USP34: variants seen among roughly 807,000 people sequenced by gnomAD.
USP34 encodes ubiquitin specific peptidase 34, also known as ubiquitin carboxyl-terminal hydrolase 34.
USP34 carries 70 observed loss-of-function variants against 460.3 expected under a neutral mutation model. The ratio of observed to expected loss-of-function variants is 0.15; its 90% CI spans 0.13 to 0.19. The LOEUF (loss-of-function observed/expected upper bound fraction) is 0.19. Ranked by LOEUF, USP34 falls within the 10% of genes least tolerant of loss-of-function variation. USP34 has a pLI of 1.00. For synonymous variants in USP34, 1,647 were observed against 1,405.3 expected (o/e 1.17, Z -3.85); for missense variants, 3,985 against 4,236.2 (o/e 0.94, Z 1.65).
intron 1 of USP34, among the ~76,000 whole-genome samples, chr2:61,423,970 A>G (rs559067512): frequency 2.9e-4 from 44 of 152,238 alleles, no homozygotes; most frequent in African/African-American, 9.6e-4. Context: ...AAAACAAACA[A>G]CAAAATAAAT....
chr2:61,298,012 T>G (rs533938193), intron 29 of USP34, among the ~76,000 whole-genome samples: 1 of 152,126 alleles, frequency 6.6e-6, no homozygotes, highest in Non-Finnish European at 1.5e-5. Context: ...TAAATAACCA[T>G]TAAAAAGAGA....
chr2:61,261,419 A>G (rs1283778669), intron 43 of USP34, among the ~76,000 whole-genome samples: 3 of 152,204 alleles, frequency 2.0e-5, no homozygotes, highest in Admixed American at 6.5e-5. Flanking sequence ...CAAAAAGACA[A>G]ATCTGACTCC....
At chr2:61,407,234 A>C (rs1558576850) in intron 2 of USP34, among the ~76,000 whole-genome samples, 1 of 152,176 alleles carries the variant, frequency 6.6e-6, no homozygotes. Flanking sequence ...AAACATAAAA[A>C]TTAAAGAATC....
chr2:61,348,427 G>A lies in USP34; in HGVS notation c.1728C>T (p.Ser576=), dbSNP rs768735905. Residue 576 remains serine (S), a synonymous_variant, in exon 15 of 80, where the codon AGC becomes AGT. Transcript: ENST00000398571. ...GCCCACTACTGCTACCAGGACCACT[G>A]CTTCCATCTTCACCACTGTTGGCAG... ...DETANSGEDG[S]SGPGSSSGHS... is the part of the protein sequence containing the mutation. 1 of 1,613,684 alleles carries A rather than the reference G, an allele frequency of 6.2e-7. No individual in the cohort carries two copies. Among genetic ancestry groups the A allele is most frequent in the South Asian group, 1.1e-5 (1 of 91,086 alleles).
intron 1 of USP34, among the ~76,000 whole-genome samples, chr2:61,465,758 A>T (rs932043989): frequency 6.6e-6 from 1 of 152,076 alleles, no homozygotes; most frequent in Non-Finnish European, 1.5e-5. Context: ...CAGGTGGATC[A>T]CGAGGTCAAG....
chr2:61,229,695 T>G, intron 58 of USP34, 62 bp from the exon 59 acceptor site: 1 of 1,409,310 alleles, frequency 7.1e-7, no homozygotes, highest in East Asian at 2.3e-5. Flanking sequence ...ATTTGAAAAA[T>G]TAACATGATT....
intron 44 of USP34, among the ~76,000 whole-genome samples, chr2:61,258,792 G>A (rs1188268091): frequency 2.6e-5 from 4 of 152,106 alleles, no homozygotes; most frequent in Admixed American, 2.6e-4. Flanking sequence ...TATAGTTTTA[G>A]GCATTGTAAT....
In USP34 at chr2:61,227,082, T is replaced by C. The variant is rs774431608; in HGVS notation, c.7580A>G (p.Gln2527Arg). The C allele has an allele frequency of 6.2e-7, 1 of 1,610,060 alleles. No homozygotes were observed. Among genetic ancestry groups the C allele is most frequent in the Non-Finnish European group, 8.5e-7 (1 of 1,179,168 alleles). The change falls in exon 62 of 80, where the codon CAG (glutamine) becomes CGG (arginine). Residue 2527 changes from glutamine (Q) to arginine (R), a missense_variant. Physicochemically the swap from Gln to Arg is conservative, Grantham distance 43 (BLOSUM62 1). Transcript: ENST00000398571. ...MIALVALLVE[Q>R]SRSERHLTLS... ...AACATTTCACCTTTCTGATCGAGAC[T>C]GTTCAACCAAAAGAGCAACTAAAGC...
At chr2:61,202,996 A>C in intron 75 of USP34, 144 bp downstream of exon 75, 1 of 925,660 alleles carries the variant, frequency 1.1e-6, no homozygotes, top group Non-Finnish European at 1.5e-6. Context: ...ATGAAAATTA[A>C]AATGTTCCCA....
In USP34 at chr2:61,211,869, C is replaced by T; in HGVS notation, c.8743G>A (p.Glu2915Lys). The T allele has an allele frequency of 2.5e-6, 4 of 1,609,920 alleles. No homozygotes were observed. Among genetic ancestry groups the T allele is most frequent in the Non-Finnish European group, 3.4e-6 (4 of 1,178,804 alleles). The change falls in exon 69 of 80, where the codon GAA (glutamate) becomes AAA (lysine). Residue 2915 changes from glutamate to lysine, a missense_variant. Coordinates refer to ENST00000398571, the MANE Select transcript of USP34 (RefSeq NM_014709.4). The part of the protein sequence containing the change: ...LFIAQRPDMR[E>K]EELEDIKQFK... Reference sequence around the variant, plus strand: ...TGTTTAATATCTTCTAATTCTTCTTCTCTCATATCTGGCCTCTGAGCTATA... The same window carrying T: ...TGTTTAATATCTTCTAATTCTTCTTTTCTCATATCTGGCCTCTGAGCTATA...
intron 38 of USP34, among the ~76,000 whole-genome samples, chr2:61,280,770 A>G (rs1182377432): frequency 6.6e-6 from 1 of 152,186 alleles, no homozygotes. Flanking sequence ...GTGACTTACT[A>G]GAGAAGAGAG....
intron 41 of USP34, among the ~76,000 whole-genome samples, chr2:61,271,978 T>C (rs916490255): frequency 6.6e-6 from 1 of 152,242 alleles, no homozygotes; most frequent in Non-Finnish European, 1.5e-5. Context: ...TCTACTTGGA[T>C]ATCTAATTGA....
chr2:61,343,233 T>A (rs1300580278), intron 16 of USP34, among the ~76,000 whole-genome samples: 1 of 152,204 alleles, frequency 6.6e-6, no homozygotes, highest in Non-Finnish European at 1.5e-5. Context: ...CTTTCTTATT[T>A]TTTCTTGCTT....
intron 41 of USP34, among the ~76,000 whole-genome samples, chr2:61,269,370 T>C (rs1461453786): frequency 1.3e-5 from 2 of 150,578 alleles, no homozygotes; most frequent in Admixed American, 1.3e-4. Flanking sequence ...TTCACCAGGT[T>C]ACCCAGGCTG....
chr2:61,318,576 CT>C (rs1690822527), intron 22 of USP34, among the ~76,000 whole-genome samples: 1 of 152,150 alleles, frequency 6.6e-6, no homozygotes, highest in African/African-American at 2.4e-5. Flanking sequence ...ATAAAAAAGT[CT>C]TACTGCATTA....
chr2:61,224,853 T>A (rs1015790837), intron 62 of USP34, among the ~76,000 whole-genome samples: 1 of 152,216 alleles, frequency 6.6e-6, no homozygotes, highest in Non-Finnish European at 1.5e-5. Context: ...GTAAGTTGGC[T>A]CTTGAGTTTC....
intron 59 of USP34, 52 bp downstream of exon 59, chr2:61,229,496 A>AAAC: frequency 1.7e-6 from 2 of 1,162,364 alleles, no homozygotes; most frequent in Non-Finnish European, 2.4e-6. Context: ...AAACAAAAAC[A>AAAC]CCACACACAC....
chr2:61,312,291 A>G (rs908083092), intron 25 of USP34, among the ~76,000 whole-genome samples: 1 of 152,096 alleles, frequency 6.6e-6, no homozygotes, highest in Non-Finnish European at 1.5e-5. Flanking sequence ...GAAGGAAAAA[A>G]GATATTAAGA....
chr2:61,269,312 C>T (rs1689144717), intron 41 of USP34, among the ~76,000 whole-genome samples: 2 of 146,182 alleles, frequency 1.4e-5, no homozygotes, highest in South Asian at 4.6e-4. Flanking sequence ...AGATGCTCAC[C>T]ACCTTGGCTA....
Sources: gnomAD v4.1 joint callset for allele counts (sites outside exome capture counted in the v4.1 genomes callset) on GRCh38, gnomAD v4.1.1 for gene constraint, MANE v1.5 for transcripts, NCBI Gene and HGNC (gene_info 2026-07-23, HGNC 2026-07-21) for gene names.